Variants in ADAMTS6 observed in about 807,000 individuals in gnomAD.
ADAMTS6 encodes the protein A disintegrin and metalloproteinase with thrombospondin motifs 6.
In ADAMTS6, 23 loss-of-function variants were observed where a neutral mutation model predicts 144.3. That is an observed-to-expected ratio of 0.16 (90% CI 0.11 to 0.23). ADAMTS6 has a LOEUF of 0.23. Among genes scored for constraint, ADAMTS6 ranks in the 10% least tolerant of loss-of-function variants. ADAMTS6 has a pLI of 1.00. For synonymous variants in ADAMTS6, 444 were observed against 457.5 expected, an observed-to-expected ratio of 0.97 and a Z score of 0.38; for missense variants, 999 against 1,379.6, an observed-to-expected ratio of 0.72 and a Z score of 4.37.
chr5:65,391,197 G>A (rs1304771201), intron 7 of ADAMTS6, among the ~76,000 whole-genome samples: 1 of 151,928 alleles, frequency 6.6e-6, no homozygotes, highest in East Asian at 1.9e-4. Flanking sequence ...CAGGATTACA[G>A]GTATGAACCA....
chr5:65,453,055 T>C (rs1167676053), intron 4 of ADAMTS6, 137 bp from the exon 5 acceptor site: 13 of 615,024 alleles, frequency 2.1e-5, no homozygotes, highest in South Asian at 4.2e-5. Context: ...GAAAATGCAG[T>C]AGTGAGAAAA....
intron 9 of ADAMTS6, among the ~76,000 whole-genome samples, chr5:65,324,184 G>A (rs1264889414): frequency 1.3e-5 from 2 of 152,128 alleles, no homozygotes; most frequent in African/African-American, 4.8e-5. Flanking sequence ...TAGACATGAA[G>A]TCCTTGCAAA....
At chr5:65,152,585 G>A (rs1203971330) in intron 24 of ADAMTS6, among the ~76,000 whole-genome samples, 1 of 152,222 alleles carries the variant, frequency 6.6e-6, no homozygotes, top group East Asian at 1.9e-4. Context: ...GTGAGACATG[G>A]TCTTCTTTTT....
chr5:65,375,324 A>C (rs1751417521), intron 7 of ADAMTS6, among the ~76,000 whole-genome samples: 1 of 151,914 alleles, frequency 6.6e-6, no homozygotes, highest in African/African-American at 2.4e-5. Context: ...TGAACAGGAA[A>C]CCTACAAAAT....
chr5:65,391,146 C>A (rs1752880800), intron 7 of ADAMTS6, among the ~76,000 whole-genome samples: 1 of 152,046 alleles, frequency 6.6e-6, no homozygotes, highest in Non-Finnish European at 1.5e-5. Context: ...GTATCAAACT[C>A]CTGGGCCCAA....
chr5:65,454,414 G>A (rs1438624823), intron 4 of ADAMTS6, among the ~76,000 whole-genome samples: 1 of 152,136 alleles, frequency 6.6e-6, no homozygotes. Context: ...GTGAAGAGAA[G>A]CAAAGACATA....
chr5:65,170,870 C>CA, intron 23 of ADAMTS6, 97 bp from the exon 24 acceptor site: 12 of 1,059,682 alleles, frequency 1.1e-5, no homozygotes, highest in Non-Finnish European at 1.4e-5. Context: ...ACAATATGAA[C>CA]TTTTTTTTTT....
chr5:65,476,035 T>C (rs1178553210), intron 1 of ADAMTS6, among the ~76,000 whole-genome samples: 1 of 94,368 alleles, frequency 1.1e-5, no homozygotes, highest in Non-Finnish European at 2.1e-5. Context: ...CGTTATTACA[T>C]ACAAAAGATT....
At chr5:65,444,249 G>C (rs539706915) in intron 7 of ADAMTS6, among the ~76,000 whole-genome samples, 27 of 152,174 alleles carry the variant, frequency 1.8e-4, no homozygotes, top group African/African-American at 4.3e-4. Context: ...AAAATTAGCT[G>C]GGTATGGTGG....
chr5:65,427,178 G>A (rs1417384528), intron 7 of ADAMTS6, among the ~76,000 whole-genome samples: 3 of 151,854 alleles, frequency 2.0e-5, no homozygotes, highest in African/African-American at 4.8e-5. Context: ...AACTTGTTAC[G>A]GTTATATAAA....
At chr5:65,361,234 T>C (rs949881301) in intron 7 of ADAMTS6, among the ~76,000 whole-genome samples, 1 of 152,036 alleles carries the variant, frequency 6.6e-6, no homozygotes, top group Non-Finnish European at 1.5e-5. Flanking sequence ...ATGAAATGAG[T>C]TTTGTTTGGA....
At chr5:65,238,811 T>C (rs769013484) in intron 15 of ADAMTS6, among the ~76,000 whole-genome samples, 7 of 152,136 alleles carry the variant, frequency 4.6e-5, no homozygotes, top group Non-Finnish European at 8.8e-5. Context: ...TTGAGGGATA[T>C]ACCATGTTCA....
At chr5:65,340,488 C>G (rs781181255) in intron 7 of ADAMTS6, among the ~76,000 whole-genome samples, 3 of 151,916 alleles carry the variant, frequency 2.0e-5, no homozygotes, top group Admixed American at 6.6e-5. Flanking sequence ...AGGAATCAAA[C>G]CTCAGCATTA....
chr5:65,462,458 T>A (rs527826319), intron 3 of ADAMTS6, among the ~76,000 whole-genome samples: 15 of 152,226 alleles, frequency 9.9e-5, no homozygotes, highest in African/African-American at 3.4e-4. Context: ...AGATTTTATA[T>A]GTTAGGTACT....
intron 1 of ADAMTS6, among the ~76,000 whole-genome samples, chr5:65,478,862 T>G (rs1427345381): frequency 6.6e-6 from 1 of 152,208 alleles, no homozygotes; most frequent in East Asian, 1.9e-4. Context: ...AGGGATCATT[T>G]ACCTGCTTCC....
At chr5:65,471,274 G>T in intron 2 of ADAMTS6, 132 bp from the exon 3 acceptor site, 2 of 857,306 alleles carry the variant, frequency 2.3e-6, no homozygotes, top group Non-Finnish European at 3.3e-6. Flanking sequence ...TGTGAGGTAT[G>T]TACAAAAAAA....
In ADAMTS6 at chr5:65,270,933, T is replaced by C. The variant is rs188817381; in HGVS notation, c.1620+2407A>G. Among the ~76,000 whole-genome samples, 3 of 152,270 alleles carry C rather than the reference T, an allele frequency of 2.0e-5. No homozygotes were observed. In the East Asian group the frequency reaches 5.8e-4, roughly 29 times the overall value. On this transcript the variant is annotated intron_variant, in intron 12 of 24. Coordinates refer to ENST00000381055, the MANE Select transcript of ADAMTS6 (RefSeq NM_197941.4). ...AGAGCATTTCCATTTTTTTCAAATG[T>C]ATATATATTAGAATTCTATAGACTT... is the stretch of plus-strand genomic sequence containing the variant.
At chr5:65,472,332 G>A (rs1760517689) in intron 2 of ADAMTS6, among the ~76,000 whole-genome samples, 1 of 152,044 alleles carries the variant, frequency 6.6e-6, no homozygotes, top group South Asian at 2.1e-4. Context: ...CTTCTTTTTG[G>A]AGTGATGAAA....
chr5:65,472,556 G>T lies in ADAMTS6; in HGVS notation c.97+1021C>A, dbSNP rs115735099. ...TGACTAAAATTTCAGAGAACTAAAT[G>T]AGGAACATATTTTCCTCATTTAGAT... On this transcript the variant is annotated intron_variant, in intron 2 of 24. Coordinates refer to ENST00000381055, the MANE Select transcript of ADAMTS6 (RefSeq NM_197941.4). Among the ~76,000 whole-genome samples, 282 of 152,170 alleles carry T rather than the reference G, an allele frequency of 1.9e-3. 2 individuals carry two copies. Among genetic ancestry groups the T allele is most frequent in the African/African-American group, 6.2e-3 (258 of 41,524 alleles).
Sources: gnomAD v4.1 joint callset for allele counts (sites outside exome capture counted in the v4.1 genomes callset) on GRCh38, gnomAD v4.1.1 for gene constraint, MANE v1.5 for transcripts, NCBI Gene and HGNC (gene_info 2026-07-23, HGNC 2026-07-21) for gene names.